The following ANKH variants were observed in gnomAD, a reference collection of about 807,000 sequenced individuals.
ANKH encodes mineralization regulator ANKH.
In ANKH, 15 loss-of-function variants were observed where a neutral mutation model predicts 49.0. The ratio of observed to expected loss-of-function variants is 0.31; its 90% CI spans 0.20 to 0.47. ANKH has a LOEUF of 0.47. ANKH is among the 20% of genes least tolerant of loss of function. The pLI is 1.00. For missense variants in ANKH, 429 were observed against 652.0 expected (o/e 0.66, Z 3.72); for synonymous variants, 273 against 260.0 (o/e 1.05, Z -0.48).
At chr5:14,729,148 G>A (rs1435375287) in intron 8 of ANKH, among the ~76,000 whole-genome samples, 1 of 152,166 alleles carries the variant, frequency 6.6e-6, no homozygotes, top group Non-Finnish European at 1.5e-5. Flanking sequence ...CCGCCTTCCG[G>A]GCTCAAGTAA....
At chr5:14,867,304 C>T (rs887165050) in intron 1 of ANKH, among the ~76,000 whole-genome samples, 1 of 152,160 alleles carries the variant, frequency 6.6e-6, no homozygotes, top group African/African-American at 2.4e-5. Flanking sequence ...CATTTACTAC[C>T]CGTGTCATCT....
intron 1 of ANKH, among the ~76,000 whole-genome samples, chr5:14,812,636 G>A (rs549069393): frequency 6.6e-6 from 1 of 152,182 alleles, no homozygotes; most frequent in Admixed American, 6.5e-5. Context: ...AGTCAGTTTA[G>A]CCAGAATCCC....
rs991643469 is a variant in ANKH, at chr5:14,716,954, G to A, written c.1012-119C>T. 6 of 1,320,330 alleles carry A rather than the reference G, an allele frequency of 4.5e-6. No homozygotes were observed. In the Admixed American group the frequency reaches 1.1e-4, roughly 25 times the overall value. The allele number at this position is 1,320,330 out of a possible 1,614,324, so 81.8% of individuals were successfully genotyped here. On this transcript the variant is annotated intron_variant, in intron 8 of 11. Coordinates refer to ENST00000284268, the MANE Select transcript of ANKH (RefSeq NM_054027.6). Reference sequence around the variant, plus strand: ...AAAGAGGGACAACCGGCCTGACTGGGTGGTGGGCATGCTGGTCCCAGATCT... The same window carrying A: ...AAAGAGGGACAACCGGCCTGACTGGATGGTGGGCATGCTGGTCCCAGATCT...
intron 1 of ANKH, among the ~76,000 whole-genome samples, chr5:14,843,548 C>CAAAAA (rs1561080362): frequency 4.7e-5 from 1 of 21,098 alleles, no homozygotes; most frequent in Non-Finnish European, 7.8e-5. Flanking sequence ...AGGGGATTAG[C>CAAAAA]GAAAAAAAAA....
intron 1 of ANKH, among the ~76,000 whole-genome samples, chr5:14,804,141 C>A (rs1157128336): frequency 6.6e-6 from 1 of 152,170 alleles, no homozygotes; most frequent in Non-Finnish European, 1.5e-5. Flanking sequence ...GGTGATCCAC[C>A]CGCTTCAGCC....
At chr5:14,793,709 T>G (rs1740278758) in intron 1 of ANKH, among the ~76,000 whole-genome samples, 1 of 152,116 alleles carries the variant, frequency 6.6e-6, no homozygotes, top group Non-Finnish European at 1.5e-5. Flanking sequence ...CCCAAGTGAG[T>G]TTGTCCTGGA....
rs150094074 is a variant in ANKH, at chr5:14,752,736, G to A, written c.517-1497C>T. Among the ~76,000 whole-genome samples, 347 of 152,162 alleles carry A rather than the reference G, an allele frequency of 2.3e-3. 3 individuals are homozygous for A. Among genetic ancestry groups the A allele is most frequent in the African/African-American group, 7.5e-3 (311 of 41,524 alleles). The stretch of plus-strand genomic sequence containing the variant: ...GGGAAAGAGTGTGTGACTGAGGAGC[G>A]GGTAGTCAACAGAGCAAAGATCAGG... On this transcript the variant is annotated intron_variant, in intron 4 of 11. Transcript: ENST00000284268.
At chr5:14,828,841 T>C (rs1398416304) in intron 1 of ANKH, among the ~76,000 whole-genome samples, 4 of 152,122 alleles carry the variant, frequency 2.6e-5, no homozygotes, top group African/African-American at 9.7e-5. Flanking sequence ...TAGGTACATA[T>C]CTTTAAGGTC....
At chr5:14,775,960 G>A (rs745777602) in intron 1 of ANKH, among the ~76,000 whole-genome samples, 3 of 152,206 alleles carry the variant, frequency 2.0e-5, no homozygotes, top group South Asian at 2.1e-4. Context: ...CGGCTTGGCC[G>A]AGGGTGAGTA....
chr5:14,856,869 G>C (rs1193879649), intron 1 of ANKH, among the ~76,000 whole-genome samples: 3 of 152,142 alleles, frequency 2.0e-5, no homozygotes, highest in Non-Finnish European at 4.4e-5. Flanking sequence ...TCGAAGTGGG[G>C]AAGGTGACTC....
chr5:14,789,563 A>T (rs1184231656), intron 1 of ANKH, among the ~76,000 whole-genome samples: 1 of 152,198 alleles, frequency 6.6e-6, no homozygotes, highest in Non-Finnish European at 1.5e-5. Context: ...CTAAGGAATA[A>T]ACCACAGTAA....
At chr5:14,787,516 G>A (rs965539121) in intron 1 of ANKH, among the ~76,000 whole-genome samples, 1 of 152,124 alleles carries the variant, frequency 6.6e-6, no homozygotes, top group Non-Finnish European at 1.5e-5. Flanking sequence ...GGAGAAGTGG[G>A]ATTAAGAGGG....
intron 11 of ANKH, among the ~76,000 whole-genome samples, chr5:14,711,520 C>T (rs1266883258): frequency 6.6e-6 from 1 of 152,210 alleles, no homozygotes; most frequent in Non-Finnish European, 1.5e-5. Context: ...GTGCCTGGCA[C>T]TGAGCTAGGC....
At chr5:14,798,154 T>C in intron 1 of ANKH, 1 of 1,554,234 alleles carries the variant, frequency 6.4e-7, no homozygotes, top group South Asian at 1.1e-5. Flanking sequence ...AGCTGCACAC[T>C]GGCTATAACA....
At chr5:14,797,645 C>T in intron 1 of ANKH, 1 of 1,601,048 alleles carries the variant, frequency 6.2e-7, no homozygotes, top group Non-Finnish European at 8.5e-7. Context: ...CCCAAATCAT[C>T]AGTTTCTGAT....
chr5:14,794,787 G>A (rs1216148830), intron 1 of ANKH, among the ~76,000 whole-genome samples: 11 of 152,376 alleles, frequency 7.2e-5, no homozygotes, highest in Admixed American at 5.2e-4. Flanking sequence ...GAACTGACTA[G>A]TTGTTTTGCT....
chr5:14,812,945 C>G (rs1740929345), intron 1 of ANKH, among the ~76,000 whole-genome samples: 1 of 152,150 alleles, frequency 6.6e-6, no homozygotes, highest in Non-Finnish European at 1.5e-5. Flanking sequence ...ACTACATTTT[C>G]TTTGTATTCA....
rs941672538 is a variant in ANKH at position 14,710,134 on chromosome 5, G to A, written c.*1063C>T. Reference sequence around the variant, plus strand: ...CTTTATCGTATGGTGTGGGAGGGAAGTACCGTAGTACATTCTCAATTACCT... The same window carrying A: ...CTTTATCGTATGGTGTGGGAGGGAAATACCGTAGTACATTCTCAATTACCT... On this transcript the variant is annotated 3_prime_UTR_variant, in exon 12 of 12. Coordinates refer to ENST00000284268, the MANE Select transcript of ANKH (RefSeq NM_054027.6). 6.6e-6 allele frequency: 1 copy of A among 152,184 alleles called. No homozygotes were observed. The highest frequency in any genetic ancestry group is 1.5e-5 in the Non-Finnish European group (1 of 68,036). The allele number at this position is 152,184 out of a possible 1,614,324, so 9.4% of individuals were successfully genotyped here. A position where few individuals can be genotyped will look rare whatever the true frequency, so the allele number is the denominator to read the frequency against.
chr5:14,759,213 T>A (rs1202678708), intron 2 of ANKH, among the ~76,000 whole-genome samples: 1 of 152,186 alleles, frequency 6.6e-6, no homozygotes, highest in Non-Finnish European at 1.5e-5. Context: ...CCTGCACCGC[T>A]GGAAAATGAC....
Sources: gnomAD v4.1 joint callset for allele counts (sites outside exome capture counted in the v4.1 genomes callset) on GRCh38, gnomAD v4.1.1 for gene constraint, MANE v1.5 for transcripts, NCBI Gene and HGNC (gene_info 2026-07-23, HGNC 2026-07-21) for gene names.